The following SIGLEC11 variants were observed in gnomAD, a reference collection of about 807,000 sequenced individuals.
SIGLEC11 encodes the protein sialic acid binding Ig like lectin 11.
Under a neutral mutation model 61.2 loss-of-function variants are expected in SIGLEC11, and 47 were observed. The observed-to-expected ratio is 0.77, with a 90% CI of 0.61 to 0.98. SIGLEC11 has a LOEUF of 0.98. SIGLEC11 is among the 50% of genes least tolerant of loss of function. SIGLEC11 has a pLI of 0.00. For synonymous variants in SIGLEC11, 278 were observed against 373.1 expected, an observed-to-expected ratio of 0.75 and a Z score of 2.94; for missense variants, 610 against 870.3, an observed-to-expected ratio of 0.70 and a Z score of 3.76.
chr19:49,950,644 G>A (rs865790928), intron 10 of SIGLEC11, among the ~76,000 whole-genome samples: 2 of 152,248 alleles, frequency 1.3e-5, no homozygotes, highest in African/African-American at 4.8e-5. Flanking sequence ...CTGCCTTATG[G>A]AACAGCTCCC....
chr19:49,960,580 C>T lies in SIGLEC11; in HGVS notation c.432G>A (p.Leu144=), dbSNP rs774144083. 6.3e-7 allele frequency: 1 copy of T among 1,598,364 alleles called. No homozygotes were observed. The highest frequency in any genetic ancestry group is 8.5e-7 in the Non-Finnish European group (1 of 1,178,890). The part of the protein sequence containing the change: ...ERGSRVRHSF[L]SNAFFLKVTA... The stretch of plus-strand genomic sequence containing the variant: ...TTACTTTTAGAAAGAACGCATTGCT[C>T]AGGAAACTATGTCTCACACGGCTTC... Residue 144 remains leucine (L), a synonymous_variant, in exon 2 of 11, where the codon CTG becomes CTA. Transcript: ENST00000447370.
chr19:49,950,678 C>A (rs1040605038), intron 10 of SIGLEC11, among the ~76,000 whole-genome samples: 1 of 152,160 alleles, frequency 6.6e-6, no homozygotes, highest in Non-Finnish European at 1.5e-5. Context: ...TGGATATTCC[C>A]GGGGGAACTA....
chr19:49,958,785 T>C lies in SIGLEC11; in HGVS notation c.1221A>G (p.Gly407=), dbSNP rs747805855. 2.5e-6 allele frequency: 4 copies of C among 1,613,666 alleles called. No individual in the cohort carries two copies. In the South Asian group the frequency reaches 4.4e-5, roughly 18 times the overall value. The change falls in exon 7 of 11, where the codon GGA becomes GGG. Residue 407 remains glycine, a synonymous_variant. Transcript: ENST00000447370. ...PPARLSWTRW[G]QTVGPSQPSD... The stretch of plus-strand genomic sequence containing the variant: ...AGGGCTGGGAGGGGCCCACGGTCTG[T>C]CCCCACCGGGTCCAGCTCAGCCTGG...
In SIGLEC11 at chr19:49,958,746, G is replaced by C. The variant is rs1305733814; in HGVS notation, c.1260C>G (p.Val420=). The part of the protein sequence containing the change: ...VGPSQPSDPG[V]LELPPIQMEH... Reference sequence around the variant, plus strand: ...CCATTTGAATGGGTGGCAGCTCCAGGACCCCGGGGTCTGAGGGCTGGGAGG... The same window carrying C: ...CCATTTGAATGGGTGGCAGCTCCAGCACCCCGGGGTCTGAGGGCTGGGAGG... The change falls in exon 7 of 11, where the codon GTC becomes GTG. Residue 420 remains valine, a synonymous_variant. Transcript: ENST00000447370. 2.5e-6 allele frequency: 4 copies of C among 1,613,916 alleles called. No individual in the cohort carries two copies. Among genetic ancestry groups the C allele is most frequent in the Non-Finnish European group, 3.4e-6 (4 of 1,179,906 alleles).
Position 49,949,948 on chromosome 19 carries a change from T to A in SIGLEC11, c.*22A>T. On this transcript the variant is annotated 3_prime_UTR_variant, in exon 11 of 11. Transcript: ENST00000447370. ...TGCGACTCCCACACACTTGCTGGTG[T>A]CCTGTTGCCATGGAGACCTCTTCAC... The A allele has an allele frequency of 7.1e-7, 1 of 1,414,056 alleles. No homozygotes were observed. The highest frequency in any genetic ancestry group is 1.7e-5 in the South Asian group (1 of 59,472). 87.6% of individuals were successfully genotyped at this position (1,414,056 alleles called of 1,614,324 possible).
intron 10 of SIGLEC11, among the ~76,000 whole-genome samples, chr19:49,950,588 G>A (rs767155786): frequency 2.6e-5 from 4 of 152,036 alleles, no homozygotes; most frequent in African/African-American, 7.2e-5. Flanking sequence ...TCTAAGTAGC[G>A]GTCAGGCCAG....
intron 8 of SIGLEC11, among the ~76,000 whole-genome samples, chr19:49,957,846 C>T (rs978631300): frequency 3.3e-5 from 5 of 152,126 alleles, no homozygotes; most frequent in African/African-American, 4.8e-5. Context: ...AAAAAATTAG[C>T]TGGGCGTGGT....
intron 8 of SIGLEC11, among the ~76,000 whole-genome samples, chr19:49,957,239 G>A (rs925623757): frequency 1.4e-4 from 22 of 152,122 alleles, no homozygotes; most frequent in Non-Finnish European, 2.1e-4. Context: ...AAGAAAAAAA[G>A]TGTCTCTTCA....
chr19:49,955,391 GC>G lies in SIGLEC11; in HGVS notation c.1651+2891del, dbSNP rs911524529. 2.0e-5 allele frequency among the ~76,000 whole-genome samples: 3 copies of G among 151,986 alleles called. No individual in the cohort carries two copies. Among genetic ancestry groups the G allele is most frequent in the African/African-American group, 7.2e-5 (3 of 41,392 alleles). The stretch of plus-strand genomic sequence containing the variant: ...CTACCAAGCCTCTGGGCCTATAACG[GC>G]CCAGGGGTGGACTACGGCTGTGCAG... On this transcript the variant is annotated intron_variant, in intron 8 of 10. Coordinates refer to ENST00000447370, the MANE Select transcript of SIGLEC11 (RefSeq NM_052884.3). The surrounding 1 kb of genome is among the most constrained non-coding windows in gnomAD (Gnocchi z 4.5).
Position 49,949,997 on chromosome 19 carries a change from C to T in SIGLEC11, c.2070G>A (p.Arg690=), listed in dbSNP as rs757102855. 3 of 1,504,408 alleles carry T rather than the reference C, an allele frequency of 2.0e-6. No homozygotes were observed. The highest frequency in any genetic ancestry group is 1.8e-4 in the Middle Eastern group (1 of 5,596). The allele number at this position is 1,504,408 out of a possible 1,614,324, so 93.2% of individuals were successfully genotyped here. ...RGPGFGLQLE[R]EMSGMVPK Reference sequence around the variant, plus strand: ...ACTTTGGAACCATCCCTGACATCTCCCTCTCCAATTGAAGCCCAAAGCCTG... The same window carrying T: ...ACTTTGGAACCATCCCTGACATCTCTCTCTCCAATTGAAGCCCAAAGCCTG... The change falls in exon 11 of 11, where the codon AGG becomes AGA. Residue 690 remains arginine (R), a synonymous_variant. Transcript: ENST00000447370.
chr19:49,950,877 G>A (rs758572851), intron 10 of SIGLEC11, among the ~76,000 whole-genome samples: 1 of 152,156 alleles, frequency 6.6e-6, no homozygotes, highest in Non-Finnish European at 1.5e-5. Context: ...AGATCTACTC[G>A]GACACAATTG....
chr19:49,951,771 A>G lies in SIGLEC11; in HGVS notation c.1830+120T>C. 1.2e-6 allele frequency: 1 copy of G among 814,262 alleles called. No homozygotes were observed. The highest frequency in any genetic ancestry group is 1.8e-6 in the Non-Finnish European group (1 of 542,554). The allele number at this position is 814,262 out of a possible 1,614,324, so 50.4% of individuals were successfully genotyped here. Reference sequence around the variant, plus strand: ...GGGACTTGGGACTGCATTGATGGGGACCCAGGAGCAAAACCCTATTTGGGG... The same window carrying G: ...GGGACTTGGGACTGCATTGATGGGGGCCCAGGAGCAAAACCCTATTTGGGG... On this transcript the variant is annotated intron_variant, in intron 10 of 10. Transcript: ENST00000447370. This position sits in a 1 kb window ranked among gnomAD's most constrained non-coding sequence, Gnocchi z 4.6.
In SIGLEC11 at chr19:49,951,865, C is replaced by CCA. The variant is rs2076159864; in HGVS notation, c.1830+24_1830+25dup. The CCA allele has an allele frequency of 1.3e-6, 2 of 1,561,414 alleles. No individual in the cohort carries two copies. Among genetic ancestry groups the CCA allele is most frequent in the East Asian group, 2.3e-5 (1 of 43,184 alleles). ...CAAGGAAAGGGGAACAGGCAGGGCCCCAGCAGACAGAGGCTGGGCTCTCAC... is the reference window on the plus strand; with the variant it reads ...CAAGGAAAGGGGAACAGGCAGGGCCCCACAGCAGACAGAGGCTGGGCTCTCAC... On this transcript the variant is annotated intron_variant, in intron 10 of 10. Coordinates refer to ENST00000447370, the MANE Select transcript of SIGLEC11 (RefSeq NM_052884.3). The surrounding 1 kb of genome is among the most constrained non-coding windows in gnomAD (Gnocchi z 4.6).
intron 6 of SIGLEC11, 30 bp downstream of exon 6, chr19:49,958,996 TGAGA>T: frequency 6.2e-7 from 1 of 1,613,568 alleles, no homozygotes; most frequent in Non-Finnish European, 8.5e-7. Flanking sequence ...AGTTTGGCAC[TGAGA>T]GGCCCTGGCT....
At position 49,952,417 on chromosome 19, in the gene SIGLEC11, G is replaced by A. The variant is rs761818711; in HGVS notation, c.1652-23C>T. The A allele has an allele frequency of 3.8e-6, 6 of 1,589,586 alleles. No homozygotes were observed. In the African/African-American group the frequency reaches 4.0e-5, roughly 11 times the overall value. ...TCCCTGCATGGGAGCAGGGTTTGGG[G>A]TGGTGCCCTCCTGGCCCTGAGACCC... On this transcript the variant is annotated intron_variant, in intron 8 of 10. Coordinates refer to ENST00000447370, the MANE Select transcript of SIGLEC11 (RefSeq NM_052884.3).
chr19:49,950,369 C>CTCATTCATTCACTCAT (rs930760653), intron 10 of SIGLEC11, 133 bp from the exon 11 acceptor site: 2 of 923,424 alleles, frequency 2.2e-6, no homozygotes, highest in Non-Finnish European at 3.0e-6. Flanking sequence ...CAGCTGGGCC[C>CTCATTCATTCACTCAT]TCATTCATTC....
Position 49,958,647 on chromosome 19 carries a change from C to A in SIGLEC11, c.1359G>T (p.Val453=). Residue 453 remains valine, a synonymous_variant, in exon 7 of 11, where the codon GTG becomes GTT. Transcript: ENST00000447370. The part of the protein sequence containing the change: ...GSQHVSLSLS[V]HYPPQLLGPS... ...TGTCCCCTTTCCCCCACTCACAGTG[C>A]ACGGAGAGGCTGAGAGAGACGTGCT... 6.3e-7 allele frequency: 1 copy of A among 1,593,822 alleles called. No individual in the cohort carries two copies. Among genetic ancestry groups the A allele is most frequent in the Non-Finnish European group, 8.5e-7 (1 of 1,170,366 alleles).
intron 8 of SIGLEC11, among the ~76,000 whole-genome samples, chr19:49,957,072 T>G (rs1290959920): frequency 6.6e-6 from 1 of 152,204 alleles, no homozygotes; most frequent in Non-Finnish European, 1.5e-5. Flanking sequence ...GTTCAAGACT[T>G]TAATAAAAGT....
chr19:49,953,340 C>T (rs932683280), intron 8 of SIGLEC11, among the ~76,000 whole-genome samples: 87 of 152,166 alleles, frequency 5.7e-4, no homozygotes, highest in Middle Eastern at 3.2e-3. Context: ...CTGATCACTT[C>T]TTGCGGGGTG....
Sources: gnomAD v4.1 joint callset for allele counts (sites outside exome capture counted in the v4.1 genomes callset) on GRCh38, gnomAD v4.1.1 for gene constraint, Gnocchi (gnomAD v3.1) non-coding constraint, MANE v1.5 for transcripts, NCBI Gene and HGNC (gene_info 2026-07-23, HGNC 2026-07-21) for gene names.